Variants in KCNN2 observed in about 807,000 individuals in gnomAD.
KCNN2 encodes the protein potassium calcium-activated channel subfamily N member 2.
Under a neutral mutation model 55.5 loss-of-function variants are expected in KCNN2, and 24 were observed. That is an observed-to-expected ratio of 0.43 (90% CI 0.31 to 0.61). KCNN2 has a LOEUF of 0.61. Among genes scored for constraint, KCNN2 ranks in the 20% least tolerant of loss-of-function variants. The pLI is 0.08. For synonymous variants in KCNN2, 431 were observed against 336.1 expected, an observed-to-expected ratio of 1.28 and a Z score of -3.09; for missense variants, 754 against 853.6, an observed-to-expected ratio of 0.88 and a Z score of 1.45.
At chr5:114,080,213 A>C (rs571957587) in intron 1 of KCNN2, among the ~76,000 whole-genome samples, 1 of 152,304 alleles carries the variant, frequency 6.6e-6, no homozygotes, top group African/African-American at 2.4e-5. Context: ...ACATTTGAAA[A>C]CTAGAATGAG....
intron 1 of KCNN2, among the ~76,000 whole-genome samples, chr5:114,181,900 A>G (rs1753247947): frequency 6.6e-6 from 1 of 152,094 alleles, no homozygotes; most frequent in Non-Finnish European, 1.5e-5. Context: ...TGTAGTCCCA[A>G]CTACTAGGGA....
chr5:114,344,073 C>T (rs529744773), intron 2 of KCNN2, among the ~76,000 whole-genome samples: 2 of 152,258 alleles, frequency 1.3e-5, no homozygotes, highest in South Asian at 2.1e-4. Flanking sequence ...CCAGAGATCT[C>T]GAGTTTAGCC....
chr5:114,457,233 A>G (rs908361569), intron 3 of KCNN2, among the ~76,000 whole-genome samples: 2 of 152,222 alleles, frequency 1.3e-5, no homozygotes, highest in African/African-American at 2.4e-5. Flanking sequence ...GCAGCCATCA[A>G]CACTGAGGCA....
At position 114,417,702 on chromosome 5, in the gene KCNN2, A is replaced by C. The variant is rs546199072; in HGVS notation, c.1637+12846A>C. ...AGGGGGACTGTTGTAGTCAGTAATC[A>C]GTGGTGTAGTTGCCTAAAACTTTTG... On this transcript the variant is annotated intron_variant, in intron 3 of 7. Coordinates refer to ENST00000673685, the MANE Select transcript of KCNN2 (RefSeq NM_021614.4). Among the ~76,000 whole-genome samples, 12 of 152,330 alleles carry C rather than the reference A, an allele frequency of 7.9e-5. No homozygotes were observed. In the East Asian group the frequency reaches 2.1e-3, roughly 27 times the overall value.
intron 1 of KCNN2, among the ~76,000 whole-genome samples, chr5:114,168,166 G>GAT (rs140274096): frequency 0.48 from 66,516 of 139,252 alleles, 15,393 homozygotes; most frequent in Middle Eastern, 0.56. Flanking sequence ...TATATATGTG[G>GAT]ATATATATAC....
At chr5:114,109,707 C>G (rs541295276) in intron 1 of KCNN2, among the ~76,000 whole-genome samples, 3 of 152,184 alleles carry the variant, frequency 2.0e-5, no homozygotes, top group Admixed American at 6.5e-5. Context: ...CAAGAGGTTC[C>G]AAACTGTGGC....
At chr5:114,251,252 C>T (rs1223237914) in intron 2 of KCNN2, among the ~76,000 whole-genome samples, 1 of 152,210 alleles carries the variant, frequency 6.6e-6, no homozygotes, top group Non-Finnish European at 1.5e-5. Flanking sequence ...CCTACATAGC[C>T]TTTCTAAACA....
intron 1 of KCNN2, among the ~76,000 whole-genome samples, chr5:114,168,049 G>T (rs2112539652): frequency 6.6e-6 from 1 of 151,992 alleles, no homozygotes; most frequent in Admixed American, 6.6e-5. Context: ...TGTATAGCTA[G>T]TTTCTGATTT....
intron 5 of KCNN2, among the ~76,000 whole-genome samples, chr5:114,482,016 C>T (rs575255108): frequency 6.6e-6 from 1 of 152,074 alleles, no homozygotes; most frequent in East Asian, 1.9e-4. Context: ...TTGCAACAAG[C>T]AAAAATTGAC....
At chr5:114,173,495 A>C (rs1011692886) in intron 1 of KCNN2, among the ~76,000 whole-genome samples, 1 of 146,060 alleles carries the variant, frequency 6.8e-6, no homozygotes, top group African/African-American at 2.5e-5. Context: ...TCCCCATACA[A>C]ATTGTAGAAT....
intron 3 of KCNN2, among the ~76,000 whole-genome samples, chr5:114,410,869 ATGTATTAACTAGGT>A (rs1759109263): frequency 1.3e-5 from 2 of 152,168 alleles, no homozygotes; most frequent in Non-Finnish European, 2.9e-5. Context: ...GCACTTAAAT[ATGTATTAACTAGGT>A]ATCATTTGTT....
At chr5:114,256,959 T>C (rs1452282619) in intron 2 of KCNN2, among the ~76,000 whole-genome samples, 2 of 152,186 alleles carry the variant, frequency 1.3e-5, no homozygotes, top group Admixed American at 1.3e-4. Context: ...CCAAAGAGAT[T>C]TTCCTAAGTT....
At position 114,272,434 on chromosome 5, in the gene KCNN2, TATCATATACACAC is replaced by T. The variant is rs1561549181; in HGVS notation, c.-185+50872_-185+50884del. Among the ~76,000 whole-genome samples, 22 of 13,166 alleles carry T rather than the reference TATCATATACACAC, an allele frequency of 1.7e-3. No homozygotes were observed. In the South Asian group the frequency reaches 0.022, roughly 13 times the overall value. 8.6% of individuals were successfully genotyped at this position (13,166 alleles called of 152,430 possible). A position where few individuals can be genotyped will look rare whatever the true frequency, so the allele number is the denominator to read the frequency against. ...ATATCTACACACATATGTACGTACA[TATCATATACACAC>T]ATATGTATGTACATATCATACACAC... On this transcript the variant is annotated intron_variant, in intron 2 of 10. Coordinates refer to the KCNN2 transcript ENST00000512097.
intron 1 of KCNN2, among the ~76,000 whole-genome samples, chr5:114,065,702 C>T (rs770783300): frequency 5.3e-5 from 8 of 152,226 alleles, no homozygotes; most frequent in Middle Eastern, 3.4e-3. Flanking sequence ...ATCTGCAGCT[C>T]CAAGGATTTG....
At chr5:114,397,681 CCTGGCCACAT>C (rs1758661400) in intron 2 of KCNN2, among the ~76,000 whole-genome samples, 1 of 152,198 alleles carries the variant, frequency 6.6e-6, no homozygotes, top group Admixed American at 6.5e-5. Flanking sequence ...AGCTACCATG[CCTGGCCACAT>C]CTATTATTTT....
At chr5:114,167,723 A>G (rs1270407478) in intron 1 of KCNN2, among the ~76,000 whole-genome samples, 1 of 152,128 alleles carries the variant, frequency 6.6e-6, no homozygotes, top group African/African-American at 2.4e-5. Flanking sequence ...ATGAAAATGT[A>G]CAAACTGATT....
chr5:114,385,517 G>GCA (rs201674964), intron 2 of KCNN2, among the ~76,000 whole-genome samples: 7,142 of 88,900 alleles, frequency 0.08, 224 homozygotes, highest in Non-Finnish European at 0.093. Flanking sequence ...ACACACATGC[G>GCA]CGCACACACA....
intron 2 of KCNN2, among the ~76,000 whole-genome samples, chr5:114,321,949 C>T (rs1308849419): frequency 6.6e-6 from 1 of 152,166 alleles, no homozygotes; most frequent in African/African-American, 2.4e-5. Flanking sequence ...CACACCTGGC[C>T]GTCACTGGAT....
chr5:114,089,754 T>G (rs973290390), intron 1 of KCNN2, among the ~76,000 whole-genome samples: 89 of 152,202 alleles, frequency 5.8e-4, no homozygotes, highest in Non-Finnish European at 4.1e-4. Flanking sequence ...TCAATTTTTA[T>G]TTTAATCTGT....
Sources: gnomAD v4.1 joint callset for allele counts (sites outside exome capture counted in the v4.1 genomes callset) on GRCh38, gnomAD v4.1.1 for gene constraint, MANE v1.5 for transcripts, NCBI Gene and HGNC (gene_info 2026-07-23, HGNC 2026-07-21) for gene names.